The following SYNCRIP variants were observed in gnomAD, a reference collection of about 807,000 sequenced individuals.
SYNCRIP encodes the protein synaptotagmin binding cytoplasmic RNA interacting protein.
A neutral mutation model predicts 68.9 loss-of-function variants in SYNCRIP; 9 were observed. The ratio of observed to expected loss-of-function variants is 0.13; its 90% CI spans 0.08 to 0.23. The LOEUF (loss-of-function observed/expected upper bound fraction) is 0.23. Among genes scored for constraint, SYNCRIP ranks in the 10% least tolerant of loss-of-function variants. SYNCRIP has a pLI of 1.00. For synonymous variants in SYNCRIP, 258 were observed against 254.0 expected (o/e 1.02, Z -0.15); for missense variants, 414 against 770.6 (o/e 0.54, Z 5.48).
chr6:85,643,218 C>G (rs1018574798), upstream of SYNCRIP: 4 of 152,438 alleles, frequency 2.6e-5, no homozygotes, highest in Non-Finnish European at 5.9e-5. Flanking sequence ...GGCCGCCTTT[C>G]CCCTTCTGGC....
At chr6:85,628,259 T>C (rs372838372) in intron 6 of SYNCRIP, among the ~76,000 whole-genome samples, 12 of 152,132 alleles carry the variant, frequency 7.9e-5, no homozygotes, top group Admixed American at 5.9e-4. Context: ...TTTCACCATG[T>C]TGGCCAGGCT....
intron 8 of SYNCRIP, among the ~76,000 whole-genome samples, chr6:85,620,454 T>C (rs1055683399): frequency 9.3e-5 from 14 of 150,566 alleles, no homozygotes; most frequent in African/African-American, 3.4e-4. Context: ...TCCAACTATG[T>C]AACATTCTGA....
At chr6:85,640,139 A>C (rs1808959087) in intron 4 of SYNCRIP, 82 bp downstream of exon 4, 1 of 929,480 alleles carries the variant, frequency 1.1e-6, no homozygotes, top group Non-Finnish European at 1.7e-6. Context: ...ACATACATCC[A>C]TTTCATACCC....
chr6:85,633,039 T>A (rs1413683792), intron 6 of SYNCRIP, among the ~76,000 whole-genome samples: 1 of 148,776 alleles, frequency 6.7e-6, no homozygotes, highest in Admixed American at 6.7e-5. Context: ...AATCACAAGG[T>A]CAAGAGATCG....
intron 6 of SYNCRIP, among the ~76,000 whole-genome samples, chr6:85,627,092 G>A (rs139543029): frequency 0.014 from 2,089 of 151,754 alleles, 20 homozygotes; most frequent in Non-Finnish European, 0.02. Flanking sequence ...ACAGTGAAAC[G>A]CCGTCTCTAC....
chr6:85,639,727 C>G (rs929339439), intron 4 of SYNCRIP, among the ~76,000 whole-genome samples: 3 of 152,172 alleles, frequency 2.0e-5, no homozygotes, highest in Non-Finnish European at 2.9e-5. Flanking sequence ...CCTCCTCCTC[C>G]TAGCCTCAGT....
chr6:85,633,578 G>A (rs1808083557), intron 6 of SYNCRIP, among the ~76,000 whole-genome samples: 1 of 152,192 alleles, frequency 6.6e-6, no homozygotes, highest in Admixed American at 6.5e-5. Context: ...GCAACAGAGG[G>A]AGACTCCGTT....
intron 6 of SYNCRIP, among the ~76,000 whole-genome samples, chr6:85,636,338 C>G (rs914228778): frequency 2.0e-5 from 3 of 151,256 alleles, no homozygotes; most frequent in African/African-American, 4.9e-5. Flanking sequence ...CCTAGCTACT[C>G]GGGAGGCTGA....
chr6:85,631,515 C>A (rs1807788397), intron 6 of SYNCRIP, among the ~76,000 whole-genome samples: 1 of 152,042 alleles, frequency 6.6e-6, no homozygotes, highest in Admixed American at 6.6e-5. Context: ...ATATAAAGGG[C>A]AACAGAAGGC....
Position 85,613,992 on chromosome 6 carries a change from CT to C in SYNCRIP, c.*763del. The stretch of plus-strand genomic sequence containing the variant: ...AACTTAAACTTACTACATGTATTAT[CT>C]TTTTATTTTTGATGGGAACATGAAG... On this transcript the variant is annotated 3_prime_UTR_variant, in exon 11 of 11. Transcript: ENST00000369622. 1 of 984,342 alleles carries C rather than the reference CT, an allele frequency of 1.0e-6. No individual in the cohort carries two copies. The highest frequency in any genetic ancestry group is 4.7e-5 in the South Asian group (1 of 21,262). The allele number at this position is 984,342 out of a possible 1,614,324, so 61.0% of individuals were successfully genotyped here.
At chr6:85,618,743 C>T in intron 10 of SYNCRIP, 75 bp downstream of exon 10, 1 of 1,299,328 alleles carries the variant, frequency 7.7e-7, no homozygotes, top group Non-Finnish European at 1.1e-6. Context: ...CAAGTCTGAT[C>T]AACACCTGTT....
chr6:85,631,370 G>T (rs1261622953), intron 6 of SYNCRIP, among the ~76,000 whole-genome samples: 5 of 145,068 alleles, frequency 3.4e-5, no homozygotes, highest in African/African-American at 1.3e-4. Flanking sequence ...ATGGCTTAAA[G>T]AAGGCGAAAC....
chr6:85,610,843 T>C (rs1404092245), downstream of SYNCRIP: 2 of 152,028 alleles, frequency 1.3e-5, no homozygotes, highest in African/African-American at 4.8e-5. Flanking sequence ...GAAATGTAAA[T>C]GTTTTGTGTA....
rs1806533864 is a variant in SYNCRIP at position 85,622,533 on chromosome 6, A to G, written c.957T>C (p.Thr319=). 1.2e-6 allele frequency: 2 copies of G among 1,614,056 alleles called. No homozygotes were observed. The highest frequency in any genetic ancestry group is 1.3e-5 in the African/African-American group (1 of 74,934). Residue 319 remains threonine, a synonymous_variant, in exon 8 of 11, where the codon ACT becomes ACC. Transcript: ENST00000369622. ...CTTCTATAGGATCAGCCCATTCAACAGTTCCAACATTCCCCCAGACCTTGA... is the reference window on the plus strand; with the variant it reads ...CTTCTATAGGATCAGCCCATTCAACGGTTCCAACATTCCCCCAGACCTTGA... ...GKVKVWGNVG[T]VEWADPIEDP...
In SYNCRIP at chr6:85,637,097, A is replaced by G. The variant is rs778981249; in HGVS notation, c.536T>C (p.Val179Ala). ...IPRDLFEDEL[V>A]PLFEKAGPIW... ...AGGTCCAGCTTTCTCAAATAATGGA[A>G]CAAGTTCATCCTCAAATAGATCTCT... Residue 179 changes from valine to alanine, a missense_variant, in exon 6 of 11, where the codon GTT becomes GCT. Val to Ala is a moderately conservative substitution (Grantham distance 64). This residue lies in a region of SYNCRIP where 110 missense variants were observed against 269.3 expected (regional missense o/e 0.41). Transcript: ENST00000369622. The G allele has an allele frequency of 5.0e-6, 8 of 1,613,694 alleles. No homozygotes were observed. The Admixed American group carries it at 6.7e-5, about 13-fold the overall frequency.
intron 6 of SYNCRIP, among the ~76,000 whole-genome samples, chr6:85,626,786 T>A (rs1807086090): frequency 6.6e-6 from 1 of 152,250 alleles, no homozygotes; most frequent in Non-Finnish European, 1.5e-5. Context: ...CATTATTATC[T>A]ACAGAAACAC....
chr6:85,624,173 A>C, intron 6 of SYNCRIP, 61 bp from the exon 7 acceptor site: 1 of 1,504,796 alleles, frequency 6.6e-7, no homozygotes, highest in Admixed American at 1.9e-5. Context: ...ACAGTTAATT[A>C]TAAAAGATAC....
Position 85,619,269 on chromosome 6 carries a change from T to G in SYNCRIP, c.1157A>C (p.Lys386Thr). ...TGCCTGTAATTCCACCATATTTACC[T>G]TGACAGCACCATCTCGCTCATCAAA... Reference protein sequence around the residue: ...IHFDERDGAVKAMEEMNGKDL... With the variant: ...IHFDERDGAVTAMEEMNGKDL... Residue 386 changes from lysine to threonine, a missense_variant and splice_region_variant, in exon 9 of 11, where the codon AAG becomes ACG. Around this residue, in one of 6 missense-constraint regions of SYNCRIP, gnomAD observed 51 missense variants for 151.1 expected, o/e 0.34. Transcript: ENST00000369622. 6.2e-7 allele frequency: 1 copy of G among 1,613,622 alleles called. No individual in the cohort carries two copies. The highest frequency in any genetic ancestry group is 8.5e-7 in the Non-Finnish European group (1 of 1,179,920).
chr6:85,642,472 C>G (rs1376525447), intron 1 of SYNCRIP, among the ~76,000 whole-genome samples: 1 of 152,182 alleles, frequency 6.6e-6, no homozygotes, highest in Non-Finnish European at 1.5e-5. Flanking sequence ...ACAAGACCCA[C>G]TCCTCTCCGC....
Sources: allele counts gnomAD v4.1 joint callset (sites outside exome capture counted in the v4.1 genomes callset), GRCh38; gene constraint gnomAD v4.1.1; regional missense constraint gnomAD v4.1.1; transcripts MANE v1.5; gene names NCBI Gene and HGNC (gene_info 2026-07-23, HGNC 2026-07-21).